Variants in GRIN3A observed in about 807,000 individuals in gnomAD.
GRIN3A encodes glutamate ionotropic receptor NMDA type subunit 3A, also known as glutamate receptor ionotropic, NMDA 3A.
A neutral mutation model predicts 92.4 loss-of-function variants in GRIN3A; 47 were observed. The observed-to-expected ratio is 0.51, with a 90% CI of 0.40 to 0.65. The LOEUF is 0.65. GRIN3A is among the 30% of genes least tolerant of loss of function. GRIN3A has a pLI of 0.00. For synonymous variants in GRIN3A, 527 were observed against 540.6 expected (o/e 0.97, Z 0.35); for missense variants, 1,324 against 1,393.1 (o/e 0.95, Z 0.79).
intron 1 of GRIN3A, among the ~76,000 whole-genome samples, chr9:101,688,649 C>T (rs188485014): frequency 3.9e-4 from 60 of 152,174 alleles, no homozygotes; most frequent in African/African-American, 1.2e-3. Flanking sequence ...TGGCCAGGCA[C>T]GGTGGCTTGT....
intron 3 of GRIN3A, among the ~76,000 whole-genome samples, chr9:101,667,227 AC>A (rs1157992409): frequency 6.6e-6 from 1 of 151,906 alleles, no homozygotes; most frequent in African/African-American, 2.4e-5. Flanking sequence ...AGAATGAATT[AC>A]TTGGAGGTAA....
chr9:101,701,634 CACAG>C (rs1332085396), intron 1 of GRIN3A, among the ~76,000 whole-genome samples: 1 of 152,114 alleles, frequency 6.6e-6, no homozygotes, highest in Non-Finnish European at 1.5e-5. Flanking sequence ...AGGACATTGG[CACAG>C]ACAAAGATTT....
chr9:101,579,191 C>T lies in GRIN3A; in HGVS notation c.2931+5G>A, dbSNP rs1159534420. On this transcript the variant is annotated splice_donor_5th_base_variant and intron_variant, in intron 7 of 8. Transcript: ENST00000361820. ...ATATTGGAGCAAGACACCTGTGGCACTCACCTGGCTGGTGTGGAGCCAGTA... is the reference window on the plus strand; with the variant it reads ...ATATTGGAGCAAGACACCTGTGGCATTCACCTGGCTGGTGTGGAGCCAGTA... 3 of 1,613,616 alleles carry T rather than the reference C, an allele frequency of 1.9e-6. No homozygotes were observed. The highest frequency in any genetic ancestry group is 8.5e-7 in the Non-Finnish European group (1 of 1,179,838).
chr9:101,691,666 A>G (rs922247981), intron 1 of GRIN3A, among the ~76,000 whole-genome samples: 2 of 152,154 alleles, frequency 1.3e-5, no homozygotes, highest in African/African-American at 4.8e-5. Context: ...ATCTGCTTCT[A>G]TATTTCCTGT....
intron 8 of GRIN3A, among the ~76,000 whole-genome samples, chr9:101,577,392 A>G (rs1303680508): frequency 6.6e-6 from 1 of 152,248 alleles, no homozygotes; most frequent in Admixed American, 6.5e-5. Context: ...ATGTACATGT[A>G]TGATCTTATT....
At chr9:101,727,763 G>A (rs1830096967) in intron 1 of GRIN3A, among the ~76,000 whole-genome samples, 1 of 151,116 alleles carries the variant, frequency 6.6e-6, no homozygotes, top group Non-Finnish European at 1.5e-5. Context: ...TAGCTGCTTG[G>A]AATCCTTTCT....
At chr9:101,715,496 CT>C (rs1829932760) in intron 1 of GRIN3A, among the ~76,000 whole-genome samples, 1 of 152,066 alleles carries the variant, frequency 6.6e-6, no homozygotes, top group Non-Finnish European at 1.5e-5. Flanking sequence ...GTAACAAATG[CT>C]AGGATAAAAT....
chr9:101,622,995 A>AACACACACACACAC (rs5899450), intron 5 of GRIN3A, among the ~76,000 whole-genome samples: 2,727 of 147,492 alleles, frequency 0.018, 64 homozygotes, highest in Admixed American at 0.058. Context: ...CCTGCCACTA[A>AACACACACACACAC]ACACACACAC....
In GRIN3A at chr9:101,671,055, C is replaced by T; in HGVS notation, c.1357G>A (p.Gly453Ser). The stretch of plus-strand genomic sequence containing the variant: ...TTTTCTGAGCTGACGATGGTGGAAC[C>T]TTTTACTCTGATGGAACCACTGAGG... ...RGLSGSIRVK[G>S]STIVSSENNF... The change falls in exon 3 of 9, where the codon GGT becomes AGT. Residue 453 changes from glycine (G) to serine (S), a missense_variant. Coordinates refer to ENST00000361820, the MANE Select transcript of GRIN3A (RefSeq NM_133445.3). The T allele has an allele frequency of 6.2e-7, 1 of 1,613,838 alleles. No individual in the cohort carries two copies. Among genetic ancestry groups the T allele is most frequent in the Non-Finnish European group, 8.5e-7 (1 of 1,179,820 alleles).
intron 1 of GRIN3A, among the ~76,000 whole-genome samples, chr9:101,724,833 C>A (rs574678882): frequency 6.6e-6 from 1 of 152,346 alleles, no homozygotes; most frequent in South Asian, 2.1e-4. Context: ...CCAATTAAAT[C>A]TCCTTTTCTT....
In GRIN3A at chr9:101,687,065, A is replaced by C. The variant is rs1254592748; in HGVS notation, c.835T>G (p.Phe279Val). 7 of 1,614,168 alleles carry C rather than the reference A, an allele frequency of 4.3e-6. No individual in the cohort carries two copies. Among genetic ancestry groups the C allele is most frequent in the Non-Finnish European group, 5.9e-6 (7 of 1,180,014 alleles). ...GAATTATTCTGGGTAAGGAGGAGGAAGTCGGTGATGTTCCAGTCTTCCTGG... is the reference window on the plus strand; with the variant it reads ...GAATTATTCTGGGTAAGGAGGAGGACGTCGGTGATGTTCCAGTCTTCCTGG... Reference protein sequence around the residue: ...LCQEDWNITDFLLLTQNNSKF... With the variant: ...LCQEDWNITDVLLLTQNNSKF... The change falls in exon 2 of 9, where the codon TTC (phenylalanine) becomes GTC (valine). Residue 279 changes from phenylalanine to valine, a missense_variant. Phe to Val is a conservative substitution (Grantham distance 50). Coordinates refer to ENST00000361820, the MANE Select transcript of GRIN3A (RefSeq NM_133445.3).
intron 1 of GRIN3A, among the ~76,000 whole-genome samples, chr9:101,726,679 A>T (rs930496997): frequency 5.3e-5 from 8 of 151,134 alleles, no homozygotes; most frequent in African/African-American, 1.9e-4. Context: ...ATTTAAAATT[A>T]AAAAAATATT....
chr9:101,666,467 G>T (rs931175314), intron 3 of GRIN3A, among the ~76,000 whole-genome samples: 1 of 151,878 alleles, frequency 6.6e-6, no homozygotes, highest in African/African-American at 2.4e-5. Context: ...ACATAGAGGG[G>T]AATACACACT....
In GRIN3A at chr9:101,737,607, G is replaced by A. The variant is rs1193132638; in HGVS notation, c.373C>T (p.Arg125Trp). Residue 125 changes from arginine to tryptophan, a missense_variant, in exon 1 of 9, where the codon CGG becomes TGG. By Grantham distance (101) the Arg-to-Trp change is moderately radical (BLOSUM62 -3). Coordinates refer to ENST00000361820, the MANE Select transcript of GRIN3A (RefSeq NM_133445.3). ...TCCACGGCAAATAGGAGGGCGTCCC[G>A]TGGCCACAGGGCCTCCGCCCTGGCG... Reference protein sequence around the residue: ...EGARAEALWPRDALLFAVDNL... With the variant: ...EGARAEALWPWDALLFAVDNL... 4 of 1,613,560 alleles carry A rather than the reference G, an allele frequency of 2.5e-6. No individual in the cohort carries two copies. Among genetic ancestry groups the A allele is most frequent in the South Asian group, 1.1e-5 (1 of 91,084 alleles).
chr9:101,586,588 A>T (rs781248013), intron 6 of GRIN3A, among the ~76,000 whole-genome samples: 13 of 152,302 alleles, frequency 8.5e-5, no homozygotes, highest in Non-Finnish European at 1.8e-4. Context: ...CAATCTAGGG[A>T]TCTACTGTTG....
chr9:101,607,788 C>T (rs913406728), intron 6 of GRIN3A, among the ~76,000 whole-genome samples: 3 of 152,110 alleles, frequency 2.0e-5, no homozygotes, highest in African/African-American at 4.8e-5. Context: ...GGATGGCAAG[C>T]GAAGCATTAA....
At chr9:101,665,336 CA>C (rs1296707174) in intron 3 of GRIN3A, among the ~76,000 whole-genome samples, 2 of 151,744 alleles carry the variant, frequency 1.3e-5, no homozygotes, top group Non-Finnish European at 2.9e-5. Flanking sequence ...GAGATTATCT[CA>C]AGATAACCAA....
intron 1 of GRIN3A, among the ~76,000 whole-genome samples, chr9:101,719,856 T>G (rs1196904786): frequency 6.6e-6 from 1 of 152,214 alleles, no homozygotes; most frequent in Non-Finnish European, 1.5e-5. Flanking sequence ...AAACTAGCAA[T>G]CCTAGCTTTA....
At chr9:101,729,351 A>G (rs576232869) in intron 1 of GRIN3A, among the ~76,000 whole-genome samples, 2 of 152,270 alleles carry the variant, frequency 1.3e-5, no homozygotes, top group African/African-American at 4.8e-5. Context: ...TTGCTGGGCT[A>G]AAGTCAAGGG....
Sources: gnomAD v4.1 joint callset for allele counts (sites outside exome capture counted in the v4.1 genomes callset) on GRCh38, gnomAD v4.1.1 for gene constraint, MANE v1.5 for transcripts, NCBI Gene and HGNC (gene_info 2026-07-23, HGNC 2026-07-21) for gene names.